Variants in ZNF727 observed in about 807,000 individuals in gnomAD.
ZNF727 encodes the protein zinc finger protein 727, also known as putative zinc finger protein 727.
In ZNF727, 11 loss-of-function variants were observed where a neutral mutation model predicts 11.5. That is an observed-to-expected ratio of 0.95 (90% confidence interval 0.60 to 1.58). The LOEUF (loss-of-function observed/expected upper bound fraction) is 1.58. Ranked by LOEUF, ZNF727 falls within the 40% of genes most tolerant of loss-of-function variation. The pLI is 0.00. For missense variants in ZNF727, 533 were observed against 581.7 expected, an observed-to-expected ratio of 0.92 and a Z score of 0.86; for synonymous variants, 171 against 196.1, an observed-to-expected ratio of 0.87 and a Z score of 1.07.
At chr7:64,065,879 C>A (rs1789856844) in intron 1 of ZNF727, among the ~76,000 whole-genome samples, 1 of 152,136 alleles carries the variant, frequency 6.6e-6, no homozygotes, top group Non-Finnish European at 1.5e-5. Context: ...GAATTTATAA[C>A]CTGCAGCATT....
At chr7:64,068,193 A>T (rs10949870) in intron 1 of ZNF727, among the ~76,000 whole-genome samples, 4 of 151,724 alleles carry the variant, frequency 2.6e-5, no homozygotes, top group Admixed American at 2.6e-4. Context: ...GTTAATTATT[A>T]TACTCTTTAT....
At chr7:64,076,008 G>A (rs1785643317) in intron 3 of ZNF727, among the ~76,000 whole-genome samples, 2 of 130,066 alleles carry the variant, frequency 1.5e-5, no homozygotes, top group Non-Finnish European at 3.3e-5. Flanking sequence ...ATATTTTTTG[G>A]TTAATTTTTT....
In ZNF727 at chr7:64,078,049, C is replaced by G; in HGVS notation, c.1000C>G (p.His334Asp). The G allele has an allele frequency of 6.2e-7, 1 of 1,610,986 alleles. No individual in the cohort carries two copies. Among genetic ancestry groups the G allele is most frequent in the Non-Finnish European group, 8.5e-7 (1 of 1,178,564 alleles). The part of the protein sequence containing the change: ...ISALSQHNRI[H>D]TGEKPYICEE... ...GGCCCTTAGTCAACATAACAGAATT[C>G]ATACTGGAGAGAAACCCTACATTTG... Residue 334 changes from histidine to aspartate, a missense_variant, in exon 4 of 4, where the codon CAT (histidine) becomes GAT (aspartate). Coordinates refer to ENST00000456806, the MANE Select transcript of ZNF727 (RefSeq NM_001159522.3).
chr7:64,072,505 G>A (rs1235712347), intron 3 of ZNF727, among the ~76,000 whole-genome samples: 1 of 152,066 alleles, frequency 6.6e-6, no homozygotes, highest in Non-Finnish European at 1.5e-5. Flanking sequence ...CACCTAGATT[G>A]GCAGAACTGG....
At chr7:64,052,963 A>G (rs1244944391) in intron 1 of ZNF727, among the ~76,000 whole-genome samples, 1 of 152,202 alleles carries the variant, frequency 6.6e-6, no homozygotes, top group Non-Finnish European at 1.5e-5. Context: ...CATTGTAACT[A>G]GGAAGTAACT....
At chr7:64,075,720 G>T (rs1345604802) in intron 3 of ZNF727, among the ~76,000 whole-genome samples, 1 of 152,044 alleles carries the variant, frequency 6.6e-6, no homozygotes, top group African/African-American at 2.4e-5. Flanking sequence ...ATAGATGCTG[G>T]AGACCACTAG....
chr7:64,069,936 G>T (rs2861506), intron 3 of ZNF727, among the ~76,000 whole-genome samples: 46,666 of 151,536 alleles, frequency 0.31, 7,287 homozygotes, highest in East Asian at 0.36. Context: ...CTTTTCCATT[G>T]CTTGGGGGAA....
intron 1 of ZNF727, among the ~76,000 whole-genome samples, chr7:64,056,965 C>CTA (rs1789695131): frequency 6.6e-6 from 1 of 152,016 alleles, no homozygotes; most frequent in East Asian, 1.9e-4. Flanking sequence ...TAAATTCTAA[C>CTA]CAATTATAGC....
chr7:64,057,116 C>G (rs751565693), intron 1 of ZNF727, among the ~76,000 whole-genome samples: 1 of 151,720 alleles, frequency 6.6e-6, no homozygotes, highest in African/African-American at 2.4e-5. Context: ...AAACAGCCCC[C>G]AAAGAATTAT....
chr7:64,067,518 A>C (rs1789888957), intron 1 of ZNF727, among the ~76,000 whole-genome samples: 1 of 152,226 alleles, frequency 6.6e-6, no homozygotes, highest in Non-Finnish European at 1.5e-5. Context: ...CTGGATAAAG[A>C]AAATGTGGCA....
rs970595351 is a variant in ZNF727 at position 64,050,048 on chromosome 7, A to G, written c.3+4424A>G. On this transcript the variant is annotated intron_variant, in intron 1 of 3. Coordinates refer to ENST00000456806, the MANE Select transcript of ZNF727 (RefSeq NM_001159522.3). ...ATTGGACAAGTTATAAAAGCAATAA[A>G]CTTTCTACATATATATATTTTTCTA... Among the ~76,000 whole-genome samples, 4 of 151,864 alleles carry G rather than the reference A, an allele frequency of 2.6e-5. No individual in the cohort carries two copies. In the East Asian group the frequency reaches 7.7e-4, roughly 29 times the overall value.
intron 1 of ZNF727, among the ~76,000 whole-genome samples, chr7:64,063,482 TC>T (rs1222197603): frequency 6.9e-5 from 10 of 144,104 alleles, no homozygotes; most frequent in South Asian, 6.4e-4. Flanking sequence ...AAATGGAATC[TC>T]TCTCTCTCTG....
intron 1 of ZNF727, among the ~76,000 whole-genome samples, chr7:64,048,945 G>C (rs962338308): frequency 6.6e-6 from 1 of 152,150 alleles, no homozygotes; most frequent in African/African-American, 2.4e-5. Context: ...AATTTGTCCA[G>C]TGCTGGGTTT....
At chr7:64,066,874 A>T (rs556035758) in intron 1 of ZNF727, among the ~76,000 whole-genome samples, 1 of 152,340 alleles carries the variant, frequency 6.6e-6, no homozygotes, top group South Asian at 2.1e-4. Flanking sequence ...CAGCCTACAG[A>T]ATGGGAGAAA....
In ZNF727 at chr7:64,048,299, G is replaced by C. The variant is rs535271368; in HGVS notation, c.3+2675G>C. Among the ~76,000 whole-genome samples, 19 of 152,280 alleles carry C rather than the reference G, an allele frequency of 1.2e-4. 1 individual carries two copies. The highest frequency in any genetic ancestry group is 4.6e-4 in the African/African-American group (19 of 41,562). ...ATTTACCTTTTATGTATTGCACAGT[G>C]AATGTAGTAAGATTCTGAGGTCTGT... On this transcript the variant is annotated intron_variant, in intron 1 of 3. Transcript: ENST00000456806.
intron 1 of ZNF727, among the ~76,000 whole-genome samples, chr7:64,052,584 A>G (rs1175654339): frequency 6.6e-6 from 1 of 151,740 alleles, no homozygotes; most frequent in African/African-American, 2.4e-5. Flanking sequence ...CAAAGTCCCT[A>G]CTGGGGCACT....
chr7:64,065,919 T>C (rs552467457), intron 1 of ZNF727, among the ~76,000 whole-genome samples: 1 of 152,266 alleles, frequency 6.6e-6, no homozygotes, highest in East Asian at 1.9e-4. Context: ...CTGTTGAACA[T>C]GGAAAGGTGT....
chr7:64,069,767 T>A (rs1201566011), intron 3 of ZNF727, among the ~76,000 whole-genome samples, 158 bp downstream of exon 3: 2 of 152,112 alleles, frequency 1.3e-5, no homozygotes, highest in African/African-American at 2.4e-5. Flanking sequence ...GGGGAATTTT[T>A]TGTCCCATTC....
chr7:64,051,732 C>T (rs1789600996), intron 1 of ZNF727, among the ~76,000 whole-genome samples: 1 of 152,056 alleles, frequency 6.6e-6, no homozygotes, highest in Non-Finnish European at 1.5e-5. Context: ...AGATTTACGT[C>T]TCCTAGAGAC....
Sources: gnomAD v4.1 joint callset for allele counts (sites outside exome capture counted in the v4.1 genomes callset) on GRCh38, gnomAD v4.1.1 for gene constraint, MANE v1.5 for transcripts, NCBI Gene and HGNC (gene_info 2026-07-23, HGNC 2026-07-21) for gene names.